SPAST: variants seen among roughly 807,000 people sequenced by gnomAD.
The protein encoded by SPAST is spastin, also known as spastic paraplegia 4 (autosomal dominant; spastin).
In SPAST, 30 loss-of-function variants were observed where a neutral mutation model predicts 76.6. The ratio of observed to expected loss-of-function variants is 0.39; its 90% CI spans 0.29 to 0.53. The LOEUF is 0.53. SPAST is among the 20% of genes least tolerant of loss of function. The probability of loss-of-function intolerance (pLI) is 0.68; values close to 1 mark genes in which losing one functional copy is unlikely to be tolerated. For missense variants in SPAST, 717 were observed against 770.5 expected, an observed-to-expected ratio of 0.93 and a Z score of 0.82; for synonymous variants, 305 against 281.0, an observed-to-expected ratio of 1.09 and a Z score of -0.86.
intron 12 of SPAST, among the ~76,000 whole-genome samples, chr2:32,137,628 A>G (rs908884646): frequency 1.3e-5 from 2 of 152,208 alleles, no homozygotes; most frequent in East Asian, 3.8e-4. Flanking sequence ...GGAATTTACA[A>G]TATTGCTCCA....
intron 4 of SPAST, among the ~76,000 whole-genome samples, chr2:32,113,383 C>A (rs1207306323): frequency 1.3e-5 from 2 of 151,480 alleles, no homozygotes; most frequent in Non-Finnish European, 2.9e-5. Flanking sequence ...CTGCACCCGG[C>A]CTAAAATTGA....
intron 16 of SPAST, among the ~76,000 whole-genome samples, chr2:32,150,851 A>C (rs993293169): frequency 1.3e-5 from 2 of 152,138 alleles, no homozygotes; most frequent in Admixed American, 1.3e-4. Context: ...AAAACTACTG[A>C]GTGATTTACA....
At chr2:32,101,141 A>G in intron 4 of SPAST, among the ~76,000 whole-genome samples, 1 of 152,134 alleles carries the variant, frequency 6.6e-6, no homozygotes, top group African/African-American at 2.4e-5. Context: ...TGAGTTTTTA[A>G]TGATCGCCAT....
chr2:32,118,902 A>G (rs767404758), intron 7 of SPAST, among the ~76,000 whole-genome samples: 2 of 152,212 alleles, frequency 1.3e-5, no homozygotes, highest in Admixed American at 6.5e-5. Context: ...TATAGAGAAC[A>G]TATCTAAAAT....
intron 4 of SPAST, among the ~76,000 whole-genome samples, chr2:32,108,005 T>C (rs2148725259): frequency 6.6e-6 from 1 of 152,176 alleles, no homozygotes; most frequent in South Asian, 2.1e-4. Context: ...TACTCAAAAT[T>C]ACTAGACAGG....
intron 4 of SPAST, among the ~76,000 whole-genome samples, chr2:32,102,973 G>T (rs928735064): frequency 1.3e-5 from 2 of 152,136 alleles, no homozygotes; most frequent in Admixed American, 1.3e-4. Flanking sequence ...GGATGATGCT[G>T]GCCTCATAAA....
intron 1 of SPAST, among the ~76,000 whole-genome samples, chr2:32,073,565 A>T (rs1676836741): frequency 1.3e-5 from 2 of 152,064 alleles, no homozygotes; most frequent in Non-Finnish European, 2.9e-5. Context: ...CCTGAGCTCA[A>T]GCAATCCTCC....
At chr2:32,148,381 A>T (rs1265585892) in intron 16 of SPAST, among the ~76,000 whole-genome samples, 2 of 152,124 alleles carry the variant, frequency 1.3e-5, no homozygotes, top group African/African-American at 4.8e-5. Context: ...CAAACAGAAG[A>T]AAATTACAGG....
chr2:32,126,029 T>C (rs1381016504), intron 7 of SPAST, among the ~76,000 whole-genome samples: 1 of 151,872 alleles, frequency 6.6e-6, no homozygotes, highest in Non-Finnish European at 1.5e-5. Flanking sequence ...TCTCCTGACC[T>C]CGTGATCCGC....
chr2:32,076,551 TTTTCTC>T (rs1265815493), intron 1 of SPAST, among the ~76,000 whole-genome samples: 1 of 152,088 alleles, frequency 6.6e-6, no homozygotes, highest in Admixed American at 6.6e-5. Flanking sequence ...AGAAAGCACT[TTTTCTC>T]TAATGGTGAA....
chr2:32,155,108 C>G lies in SPAST; in HGVS notation c.*612C>G, dbSNP rs569892244. ...ACAGACATTAAACAATTGTTGTGTT[C>G]TTTTTACCTTTTATTTTTCTATTAC... On this transcript the variant is annotated 3_prime_UTR_variant, in exon 17 of 17. Transcript: ENST00000315285. The G allele has an allele frequency of 2.0e-5, 3 of 153,124 alleles. No homozygotes were observed. In the South Asian group the frequency reaches 6.2e-4, roughly 32 times the overall value. The allele number at this position is 153,124 out of a possible 1,614,324, so 9.5% of individuals were successfully genotyped here.
intron 2 of SPAST, 91 bp downstream of exon 2, chr2:32,087,669 T>G (rs867972552): frequency 2.2e-6 from 1 of 453,366 alleles, no homozygotes; most frequent in African/African-American, 2.2e-5. Context: ...TTATTTATTT[T>G]TCTTTCTTTC....
At chr2:32,118,233 G>A (rs1407332540) in intron 7 of SPAST, among the ~76,000 whole-genome samples, 1 of 152,118 alleles carries the variant, frequency 6.6e-6, no homozygotes, top group East Asian at 1.9e-4. Flanking sequence ...TTTTTCCATA[G>A]TCTTGAGTCA....
In SPAST at chr2:32,144,923, C is replaced by T. The variant is rs368785113; in HGVS notation, c.1617-14C>T. On this transcript the variant is annotated splice_polypyrimidine_tract_variant and intron_variant, in intron 14 of 16. Transcript: ENST00000315285. ...AGGGGAAATAATTTGCTGTTTCTTC[C>T]TTCCCTTCCTCAGAATGACTGATGG... 3.1e-5 allele frequency: 50 copies of T among 1,604,040 alleles called. No individual in the cohort carries two copies. Among genetic ancestry groups the T allele is most frequent in the Non-Finnish European group, 4.0e-5 (47 of 1,172,424 alleles).
chr2:32,081,095 G>A (rs916154362), intron 1 of SPAST, among the ~76,000 whole-genome samples: 7 of 151,774 alleles, frequency 4.6e-5, no homozygotes, highest in Admixed American at 1.3e-4. Flanking sequence ...AATAGCTGAG[G>A]CAACAGGCGT....
chr2:32,151,463 TTC>T (rs1194033862), intron 16 of SPAST, among the ~76,000 whole-genome samples: 1 of 152,232 alleles, frequency 6.6e-6, no homozygotes, highest in East Asian at 1.9e-4. Context: ...AGGTAATCCA[TTC>T]TCTCATTTCC....
intron 1 of SPAST, among the ~76,000 whole-genome samples, chr2:32,074,363 T>C (rs939721097): frequency 6.6e-6 from 1 of 152,094 alleles, no homozygotes; most frequent in South Asian, 2.1e-4. Flanking sequence ...AATTGTAGAG[T>C]GGTCTTGTTC....
chr2:32,064,265 G>A lies in SPAST; in HGVS notation c.415+19G>A, dbSNP rs1676419023. The A allele has an allele frequency of 1.3e-6, 2 of 1,528,508 alleles. No homozygotes were observed. The highest frequency in any genetic ancestry group is 2.8e-5 in the African/African-American group (2 of 72,378). 94.7% of individuals were successfully genotyped at this position (1,528,508 alleles called of 1,614,324 possible). On this transcript the variant is annotated intron_variant, in intron 1 of 16. Transcript: ENST00000315285. The stretch of plus-strand genomic sequence containing the variant: ...GAGAAAGGTAACTAGGGGGCTGGGG[G>A]AGGGGGCGGCGGCGCCGGGAAGAAG...
chr2:32,154,504 C>T lies in SPAST; in HGVS notation c.*8C>T, dbSNP rs370835801. 1.2e-5 allele frequency: 19 copies of T among 1,612,158 alleles called. No individual in the cohort carries two copies. The highest frequency in any genetic ancestry group is 2.7e-5 in the African/African-American group (2 of 74,848). On this transcript the variant is annotated 3_prime_UTR_variant, in exon 17 of 17. Transcript: ENST00000315285. ...GGAGATACCACTGTTTAAGGAAATA[C>T]CTTTGTAAACCTGCAGAACATTTTA... is the stretch of plus-strand genomic sequence containing the variant.
Sources: gnomAD v4.1 joint callset for allele counts (sites outside exome capture counted in the v4.1 genomes callset) on GRCh38, gnomAD v4.1.1 for gene constraint, MANE v1.5 for transcripts, NCBI Gene and HGNC (gene_info 2026-07-23, HGNC 2026-07-21) for gene names.